The following GLYATL2 variants were observed in gnomAD, a reference collection of about 807,000 sequenced individuals.
GLYATL2 encodes glycine-N-acyltransferase like 2, also known as glycine N-acyltransferase-like protein 2.
GLYATL2 carries 25 observed loss-of-function variants against 21.4 expected under a neutral mutation model. That is an observed-to-expected ratio of 1.17 (90% CI 0.85 to 1.63). The LOEUF is 1.63. Among genes scored for constraint, GLYATL2 ranks in the 40% most tolerant of loss-of-function variants. The pLI is 0.00. For missense variants in GLYATL2, 361 were observed against 343.3 expected, an observed-to-expected ratio of 1.05 and a Z score of -0.41; for synonymous variants, 114 against 118.2, an observed-to-expected ratio of 0.96 and a Z score of 0.23.
intron 1 of GLYATL2, among the ~76,000 whole-genome samples, chr11:58,874,647 T>C (rs1412342285): frequency 6.6e-6 from 1 of 152,234 alleles, no homozygotes; most frequent in African/African-American, 2.4e-5. Flanking sequence ...CACTGTGGTC[T>C]GAGAAACAGT....
chr11:58,847,078 A>G (rs1044987463), upstream of GLYATL2, among the ~76,000 whole-genome samples: 1 of 152,040 alleles, frequency 6.6e-6, no homozygotes, highest in Non-Finnish European at 1.5e-5. Context: ...ACATTTCTAG[A>G]CATTTGCTGG....
chr11:58,834,648 C>T lies in GLYATL2; in HGVS notation c.666G>A (p.Glu222=), dbSNP rs369047744. 6.3e-5 allele frequency: 102 copies of T among 1,613,404 alleles called. No individual in the cohort carries two copies. The highest frequency in any genetic ancestry group is 8.4e-5 in the Non-Finnish European group (99 of 1,179,930). ...TGGGGACAGTATAACCCATTCTCAA[C>T]TCACAGGACTGTTCCATCACAATCC... ...VSWIVMEQSC[E]LRMGYTVPKY... Residue 222 remains glutamate (E), a synonymous_variant, in exon 6 of 6, where the codon GAG becomes GAA. Coordinates refer to ENST00000287275, the MANE Select transcript of GLYATL2 (RefSeq NM_145016.4).
At chr11:58,871,111 A>G (rs1428047172) in intron 1 of GLYATL2, among the ~76,000 whole-genome samples, 1 of 152,148 alleles carries the variant, frequency 6.6e-6, no homozygotes, top group African/African-American at 2.4e-5. Context: ...GAGGGTGGAT[A>G]AGGAGTTTGA....
intron 1 of GLYATL2, among the ~76,000 whole-genome samples, chr11:58,856,864 T>C (rs928600345): frequency 2.0e-5 from 3 of 152,172 alleles, no homozygotes; most frequent in African/African-American, 7.2e-5. Context: ...TAAAATGTAA[T>C]AAAGACAGGA....
At chr11:58,850,324 T>C (rs1226344466) in intron 1 of GLYATL2, among the ~76,000 whole-genome samples, 1 of 152,154 alleles carries the variant, frequency 6.6e-6, no homozygotes, top group Non-Finnish European at 1.5e-5. Context: ...AATGCTTTTT[T>C]GTGGGCGGTA....
intron 1 of GLYATL2, among the ~76,000 whole-genome samples, chr11:58,890,466 A>C (rs1376267825): frequency 6.6e-6 from 1 of 152,162 alleles, no homozygotes; most frequent in Non-Finnish European, 1.5e-5. Context: ...CTTGGTACAT[A>C]TATTCCTATG....
upstream of GLYATL2, among the ~76,000 whole-genome samples, chr11:58,904,638 G>C (rs1391229345): frequency 6.6e-6 from 1 of 152,216 alleles, no homozygotes; most frequent in African/African-American, 2.4e-5. Context: ...AGCGATTTGA[G>C]AAAGCTGTCT....
At chr11:58,844,776 A>C (rs1853614260), upstream of GLYATL2, 1 of 152,206 alleles carries the variant, frequency 6.6e-6, no homozygotes, top group Non-Finnish European at 1.5e-5. Context: ...GAACAATATT[A>C]AGTCAATTTT....
intron 1 of GLYATL2, among the ~76,000 whole-genome samples, chr11:58,854,129 C>T (rs1437078383): frequency 6.6e-6 from 1 of 152,128 alleles, no homozygotes; most frequent in Admixed American, 6.5e-5. Flanking sequence ...TTCAAATGAC[C>T]GAATTTCCTT....
chr11:58,851,136 A>G (rs768753409), intron 1 of GLYATL2, among the ~76,000 whole-genome samples: 6 of 152,064 alleles, frequency 3.9e-5, no homozygotes, highest in Non-Finnish European at 7.4e-5. Context: ...TTTGCCTTGT[A>G]TCCAATAAAT....
intron 1 of GLYATL2, among the ~76,000 whole-genome samples, chr11:58,888,693 C>G (rs1649158796): frequency 6.6e-6 from 1 of 151,810 alleles, no homozygotes; most frequent in South Asian, 2.1e-4. Context: ...ATTTTAATAT[C>G]TAATAAAGCA....
intron 1 of GLYATL2, among the ~76,000 whole-genome samples, chr11:58,853,159 T>G (rs1276371024): frequency 6.6e-6 from 1 of 152,186 alleles, no homozygotes; most frequent in Non-Finnish European, 1.5e-5. Context: ...TAGACAATTA[T>G]ACTGACCCCA....
At chr11:58,906,309 C>T (rs1211750920), upstream of GLYATL2, among the ~76,000 whole-genome samples, 3 of 152,198 alleles carry the variant, frequency 2.0e-5, no homozygotes, top group Non-Finnish European at 2.9e-5. Flanking sequence ...TGGAGATCGT[C>T]TGGGTGTTCC....
chr11:58,884,291 G>T (rs867847312), intron 1 of GLYATL2, among the ~76,000 whole-genome samples: 2 of 152,194 alleles, frequency 1.3e-5, no homozygotes, highest in Admixed American at 6.5e-5. Context: ...GTTTGCAGAT[G>T]ATATGATTGT....
upstream of GLYATL2, chr11:58,905,373 T>G (rs1034014744): frequency 1.6e-5 from 7 of 434,490 alleles, no homozygotes; most frequent in African/African-American, 1.4e-4. Context: ...CTCTCTCTGC[T>G]GCTGCCGCTG....
At chr11:58,859,121 CT>C (rs1431341493) in intron 1 of GLYATL2, among the ~76,000 whole-genome samples, 1 of 152,186 alleles carries the variant, frequency 6.6e-6, no homozygotes, top group East Asian at 1.9e-4. Context: ...TGCAATCCCC[CT>C]GGCCCCCAAC....
At chr11:58,847,044 G>A (rs1398470394), upstream of GLYATL2, among the ~76,000 whole-genome samples, 4 of 152,106 alleles carry the variant, frequency 2.6e-5, no homozygotes, top group South Asian at 6.2e-4. Context: ...TGAGGCCCCC[G>A]TTCCAGGCCC....
At chr11:58,857,871 C>A (rs552445558) in intron 1 of GLYATL2, among the ~76,000 whole-genome samples, 3 of 144,330 alleles carry the variant, frequency 2.1e-5, no homozygotes, top group Admixed American at 7.1e-5. Context: ...ACCCTCATTC[C>A]CTACTCTTTT....
intron 1 of GLYATL2, among the ~76,000 whole-genome samples, chr11:58,864,277 C>A (rs1853985123): frequency 6.6e-6 from 1 of 152,120 alleles, no homozygotes; most frequent in Non-Finnish European, 1.5e-5. Flanking sequence ...CATCATGATT[C>A]TGGGAGCAGT....
Sources: gnomAD v4.1 joint callset for allele counts (sites outside exome capture counted in the v4.1 genomes callset) on GRCh38, gnomAD v4.1.1 for gene constraint, MANE v1.5 for transcripts, NCBI Gene and HGNC (gene_info 2026-07-23, HGNC 2026-07-21) for gene names.